TENM3: variants seen among roughly 807,000 people sequenced by gnomAD.
The protein encoded by TENM3 is teneurin-3.
A neutral mutation model predicts 255.1 loss-of-function variants in TENM3; 63 were observed. The observed-to-expected ratio is 0.25, with a 90% confidence interval of 0.20 to 0.30. The LOEUF is 0.30. TENM3 is among the 10% of genes least tolerant of loss of function. The pLI is 1.00. For synonymous variants in TENM3, 1,306 were observed against 1,322.3 expected, an observed-to-expected ratio of 0.99 and a Z score of 0.27; for missense variants, 2,929 against 3,461.1, an observed-to-expected ratio of 0.85 and a Z score of 3.86.
At chr4:181,681,283 GT>G in the TENM3 span, among the ~76,000 whole-genome samples, 67,165 of 151,466 alleles carry the variant, frequency 0.44, 15,731 homozygotes, top group Admixed American at 0.54. Flanking sequence ...TTCCATTTCA[GT>G]TTTTTTTCGT....
the TENM3 span, among the ~76,000 whole-genome samples, chr4:181,458,302 T>G: frequency 2.0e-5 from 3 of 151,898 alleles, no homozygotes; most frequent in East Asian, 5.8e-4. Context: ...GATCTTTGAG[T>G]GAGGTTTTTT....
At chr4:181,989,209 T>A in the TENM3 span, among the ~76,000 whole-genome samples, 1 of 151,940 alleles carries the variant, frequency 6.6e-6, no homozygotes, top group African/African-American at 2.4e-5. Context: ...GGAGGACAAT[T>A]TCCAGGAAAA....
At chr4:182,675,401 C>T (rs1263670950) in intron 7 of TENM3, among the ~76,000 whole-genome samples, 2 of 151,880 alleles carry the variant, frequency 1.3e-5, no homozygotes, top group East Asian at 2.0e-4. Flanking sequence ...ATTAGCCGAA[C>T]GTGGTAGCGC....
chr4:182,622,412 A>T (rs2152457391), intron 4 of TENM3, among the ~76,000 whole-genome samples: 1 of 152,326 alleles, frequency 6.6e-6, no homozygotes, highest in East Asian at 1.9e-4. Context: ...TGATCTCATG[A>T]TCTACTGATG....
chr4:181,969,944 G>T, the TENM3 span, among the ~76,000 whole-genome samples: 1 of 152,200 alleles, frequency 6.6e-6, no homozygotes, highest in Non-Finnish European at 1.5e-5. Context: ...TTATTAGCAA[G>T]ATTCAAGTAA....
the TENM3 span, among the ~76,000 whole-genome samples, chr4:181,906,677 A>T: frequency 9.2e-5 from 14 of 152,246 alleles, no homozygotes; most frequent in African/African-American, 3.1e-4. Context: ...GCAGATTGGG[A>T]ATCATCCAGT....
Position 182,736,879 on chromosome 4 carries a change from G to A in TENM3, c.3039G>A (p.Gly1013=), listed in dbSNP as rs774232413. The A allele has an allele frequency of 2.5e-6, 4 of 1,613,658 alleles. No homozygotes were observed. Among genetic ancestry groups the A allele is most frequent in the Middle Eastern group, 1.6e-4 (1 of 6,062 alleles). The change falls in exon 17 of 28, where the codon GGG becomes GGA. Residue 1013 remains glycine (G), a synonymous_variant. Coordinates refer to ENST00000511685, the MANE Select transcript of TENM3 (RefSeq NM_001080477.4). ...CCTACTTGAGTTCCAGAGCTGCAGG[G>A]TATAAGTCAGTTCTCAAGATCACCA... ...KLSYLSSRAA[G]YKSVLKITMT...
At chr4:181,546,722 A>G in the TENM3 span, among the ~76,000 whole-genome samples, 1 of 128,052 alleles carries the variant, frequency 7.8e-6, no homozygotes, top group African/African-American at 3.0e-5. Flanking sequence ...TCAGAAAAAA[A>G]AAAAAAAGAA....
chr4:181,640,622 G>T, the TENM3 span, among the ~76,000 whole-genome samples: 300 of 152,164 alleles, frequency 2.0e-3, 3 homozygotes, highest in Middle Eastern at 6.8e-3. Flanking sequence ...GGGTATTTTT[G>T]TTTGCCCCTC....
intron 1 of TENM3, among the ~76,000 whole-genome samples, chr4:182,189,525 C>T (rs1359167988): frequency 1.3e-5 from 2 of 152,176 alleles, no homozygotes; most frequent in African/African-American, 4.8e-5. Flanking sequence ...TGTGTAGCAT[C>T]TGACCTTGAG....
At chr4:182,709,391 G>A (rs1758581714) in intron 12 of TENM3, among the ~76,000 whole-genome samples, 1 of 152,128 alleles carries the variant, frequency 6.6e-6, no homozygotes, top group Non-Finnish European at 1.5e-5. Context: ...TTGAAGGAAT[G>A]ACTTTTCTCT....
intron 5 of TENM3, among the ~76,000 whole-genome samples, chr4:182,632,567 A>G (rs1011661982): frequency 3.9e-5 from 6 of 152,134 alleles, no homozygotes; most frequent in African/African-American, 1.4e-4. Flanking sequence ...TTGTGTGTGA[A>G]TAGCCTCCAC....
chr4:182,763,325 G>A (rs1179174459), intron 22 of TENM3, among the ~76,000 whole-genome samples: 1 of 152,152 alleles, frequency 6.6e-6, no homozygotes. Context: ...CAACACTTTG[G>A]GAGGCTGAGG....
At chr4:182,218,305 C>T (rs1755633930) in intron 1 of TENM3, among the ~76,000 whole-genome samples, 1 of 152,158 alleles carries the variant, frequency 6.6e-6, no homozygotes, top group Admixed American at 6.5e-5. Context: ...TGTCCTTGGT[C>T]TCTGGTGAAT....
rs1561040334 is a variant in TENM3, at chr4:182,638,034, A to ATG, written c.988+9146_988+9147insGT. Among the ~76,000 whole-genome samples, 1,253 of 150,796 alleles carry ATG rather than the reference A, an allele frequency of 8.3e-3. 17 individuals are homozygous for ATG. The highest frequency in any genetic ancestry group is 0.029 in the African/African-American group (1,187 of 41,230). ...AATTTATCCATGTGTTAGGGGAAAA[A>ATG]TTTTTTTTTTTTTTAGTTTTCATTA... is the stretch of plus-strand genomic sequence containing the variant. On this transcript the variant is annotated intron_variant, in intron 5 of 27. Coordinates refer to ENST00000511685, the MANE Select transcript of TENM3 (RefSeq NM_001080477.4).
At chr4:182,794,016 A>T (rs1400309965) in intron 26 of TENM3, 131 bp downstream of exon 26, 1 of 761,238 alleles carries the variant, frequency 1.3e-6, no homozygotes, top group Non-Finnish European at 2.1e-6. Context: ...AACCTTTTAA[A>T]TGTGTTTATT....
the TENM3 span, among the ~76,000 whole-genome samples, chr4:181,752,413 G>A: frequency 3.7e-3 from 568 of 152,168 alleles, 12 homozygotes; most frequent in Admixed American, 0.025. Context: ...ATAGCTGGGC[G>A]TGGTGGCGGG....
At chr4:182,743,047 T>C in intron 18 of TENM3, 123 bp from the exon 19 acceptor site, 2 of 1,046,202 alleles carry the variant, frequency 1.9e-6, no homozygotes, top group Non-Finnish European at 2.7e-6. Context: ...GAGCTTCAAA[T>C]AAGAATGTCT....
the TENM3 span, among the ~76,000 whole-genome samples, chr4:181,670,364 T>A: frequency 6.6e-6 from 1 of 152,192 alleles, no homozygotes; most frequent in Non-Finnish European, 1.5e-5. Context: ...AGGTTATTAA[T>A]GTCCCAAAGC....
Sources: gnomAD v4.1 joint callset for allele counts (sites outside exome capture counted in the v4.1 genomes callset) on GRCh38, gnomAD v4.1.1 for gene constraint, MANE v1.5 for transcripts, NCBI Gene and HGNC (gene_info 2026-07-23, HGNC 2026-07-21) for gene names.